CAST: variants seen among roughly 807,000 people sequenced by gnomAD.
CAST encodes MIR583 host.
CAST carries 76 observed loss-of-function variants against 119.6 expected under a neutral mutation model. That is an observed-to-expected ratio of 0.64 (90% confidence interval 0.53 to 0.77). CAST has a LOEUF of 0.77. Ranked by LOEUF, CAST falls within the 30% of genes least tolerant of loss-of-function variation. The pLI is 0.00. For missense variants in CAST, 953 were observed against 946.5 expected, an observed-to-expected ratio of 1.01 and a Z score of -0.09; for synonymous variants, 319 against 331.6, an observed-to-expected ratio of 0.96 and a Z score of 0.41.
chr5:96,222,259 T>A, the CAST span, among the ~76,000 whole-genome samples: 1 of 151,990 alleles, frequency 6.6e-6, no homozygotes, highest in Admixed American at 6.6e-5. Context: ...AATAGACACA[T>A]GGGACTATAT....
the CAST span, among the ~76,000 whole-genome samples, chr5:96,494,896 T>C: frequency 6.6e-6 from 1 of 152,024 alleles, no homozygotes; most frequent in Non-Finnish European, 1.5e-5. Context: ...GGCGGGCGGA[T>C]CACGAGGTCA....
At chr5:96,628,780 ATGGATGT>A (rs1175381956) in intron 1 of CAST, among the ~76,000 whole-genome samples, 22 of 152,172 alleles carry the variant, frequency 1.4e-4, no homozygotes, top group African/African-American at 5.3e-4. Flanking sequence ...GGAAGCAAGT[ATGGATGT>A]TGTTTCCCTG....
At chr5:96,172,360 G>A in the CAST span, among the ~76,000 whole-genome samples, 1 of 152,208 alleles carries the variant, frequency 6.6e-6, no homozygotes, top group African/African-American at 2.4e-5. Flanking sequence ...TCAGCCATCT[G>A]GATGTATACG....
At chr5:96,566,310 A>C (rs979379324) in intron 1 of CAST, among the ~76,000 whole-genome samples, 2 of 152,238 alleles carry the variant, frequency 1.3e-5, no homozygotes, top group African/African-American at 4.8e-5. Context: ...TGTTGATTCC[A>C]TTGTTCCTTT....
chr5:96,301,409 A>G, the CAST span, among the ~76,000 whole-genome samples: 7 of 152,182 alleles, frequency 4.6e-5, no homozygotes, highest in Admixed American at 4.6e-4. Flanking sequence ...TGTCCTTCTT[A>G]CATTTCCAAG....
chr5:96,658,443 T>C (rs1045582007), upstream of CAST, among the ~76,000 whole-genome samples: 2 of 152,160 alleles, frequency 1.3e-5, no homozygotes, highest in African/African-American at 4.8e-5. Context: ...ATTAGAGCTT[T>C]CCTAGGGTAC....
intron 2 of CAST, among the ~76,000 whole-genome samples, chr5:96,689,046 A>T (rs145590678): frequency 2.5e-4 from 38 of 152,210 alleles, no homozygotes; most frequent in African/African-American, 8.9e-4. Context: ...GTAGAAAAGC[A>T]CCTCTTAAAT....
chr5:96,663,892 C>G (rs545073410), intron 1 of CAST, among the ~76,000 whole-genome samples: 1 of 148,122 alleles, frequency 6.8e-6, no homozygotes, highest in Non-Finnish European at 1.5e-5. Context: ...GCTGGCACTT[C>G]TAGTGTTTTG....
chr5:96,697,708 T>C lies in CAST; in HGVS notation c.210+1801T>C, dbSNP rs879530453. ...AGAGAGTTGCTTACACAAACAAATA[T>C]GAGTTTGGATTTCCTCTTTGCCACT... On this transcript the variant is annotated intron_variant, in intron 3 of 31. Coordinates refer to ENST00000675179, the MANE Select transcript of CAST (RefSeq NM_001750.7). Among the ~76,000 whole-genome samples, 8 of 152,188 alleles carry C rather than the reference T, an allele frequency of 5.3e-5. No individual in the cohort carries two copies. In the South Asian group the frequency reaches 6.2e-4, roughly 12 times the overall value.
the CAST span, among the ~76,000 whole-genome samples, chr5:96,039,758 C>T: frequency 6.6e-6 from 1 of 152,168 alleles, no homozygotes; most frequent in African/African-American, 2.4e-5. Context: ...CAGTATCATG[C>T]TGTTTTGGTT....
intron 1 of CAST, among the ~76,000 whole-genome samples, chr5:96,583,221 T>A (rs1418651138): frequency 6.6e-6 from 1 of 152,086 alleles, no homozygotes; most frequent in African/African-American, 2.4e-5. Flanking sequence ...TATTCTTTTT[T>A]TTTTTTTACT....
chr5:96,089,677 G>A, the CAST span, among the ~76,000 whole-genome samples: 1 of 152,190 alleles, frequency 6.6e-6, no homozygotes, highest in African/African-American at 2.4e-5. Context: ...TGTATGTGTA[G>A]CCTTTCTTGA....
chr5:96,731,827 T>C (rs1387220470), intron 9 of CAST, among the ~76,000 whole-genome samples: 1 of 151,790 alleles, frequency 6.6e-6, no homozygotes. Flanking sequence ...ACAAAGGACA[T>C]GAACTCATCA....
intron 1 of CAST, among the ~76,000 whole-genome samples, chr5:96,674,704 G>T (rs983021188): frequency 1.3e-5 from 2 of 152,178 alleles, no homozygotes; most frequent in Non-Finnish European, 2.9e-5. Context: ...TGATCACTGG[G>T]TATAAAGACA....
chr5:96,339,132 T>C, the CAST span, among the ~76,000 whole-genome samples: 6 of 152,322 alleles, frequency 3.9e-5, no homozygotes, highest in East Asian at 1.2e-3. Flanking sequence ...TTTTTGATTG[T>C]TGCCAGTTAC....
the CAST span, among the ~76,000 whole-genome samples, chr5:96,163,851 A>G: frequency 1.3e-5 from 2 of 152,236 alleles, no homozygotes; most frequent in African/African-American, 2.4e-5. Context: ...ATGTAACATG[A>G]ACAACATGGT....
At chr5:96,488,093 C>A in the CAST span, among the ~76,000 whole-genome samples, 1 of 152,126 alleles carries the variant, frequency 6.6e-6, no homozygotes, top group African/African-American at 2.4e-5. Flanking sequence ...TATTAAGCAA[C>A]TTTATGCTTC....
At chr5:96,426,482 A>G in the CAST span, among the ~76,000 whole-genome samples, 1 of 152,152 alleles carries the variant, frequency 6.6e-6, no homozygotes, top group Non-Finnish European at 1.5e-5. Flanking sequence ...AGTATTTAAT[A>G]TGAGACACAG....
the CAST span, among the ~76,000 whole-genome samples, chr5:96,234,313 AGTAGG>A: frequency 6.6e-6 from 1 of 152,218 alleles, no homozygotes; most frequent in African/African-American, 2.4e-5. Context: ...GGAAGGCCGT[AGTAGG>A]GAATGCGGCT....
Sources: allele counts gnomAD v4.1 joint callset (sites outside exome capture counted in the v4.1 genomes callset), GRCh38; gene constraint gnomAD v4.1.1; transcripts MANE v1.5; gene names NCBI Gene and HGNC (gene_info 2026-07-23, HGNC 2026-07-21).